Variants in CHODL observed in about 807,000 individuals in gnomAD.
CHODL encodes the protein chondrolectin.
A neutral mutation model predicts 34.5 loss-of-function variants in CHODL; 29 were observed. That is an observed-to-expected ratio of 0.84 (90% confidence interval 0.63 to 1.15). The LOEUF (loss-of-function observed/expected upper bound fraction) is 1.15, where lower values mean the gene tolerates loss of function less well. CHODL is among the 50% of genes most tolerant of loss of function. CHODL has a pLI of 0.00. For synonymous variants in CHODL, 125 were observed against 116.1 expected, an observed-to-expected ratio of 1.08 and a Z score of -0.49; for missense variants, 332 against 332.5, an observed-to-expected ratio of 1.00 and a Z score of 0.01.
At chr21:18,207,842 T>C (rs1262885778) in intron 2 of CHODL, among the ~76,000 whole-genome samples, 1 of 152,022 alleles carries the variant, frequency 6.6e-6, no homozygotes, top group East Asian at 1.9e-4. Flanking sequence ...AGATATATTT[T>C]ATTTTATTTG....
At chr21:18,028,741 A>G (rs2064213876) in intron 2 of CHODL, among the ~76,000 whole-genome samples, 1 of 150,422 alleles carries the variant, frequency 6.6e-6, no homozygotes, top group African/African-American at 2.4e-5. Flanking sequence ...CTTGTTAACT[A>G]CTTTATCTCC....
At chr21:18,193,697 G>GGAAA (rs1275441327) in intron 2 of CHODL, among the ~76,000 whole-genome samples, 4 of 74,214 alleles carry the variant, frequency 5.4e-5, no homozygotes, top group African/African-American at 1.8e-4. Flanking sequence ...CTCTGTCTCA[G>GGAAA]AAAAAAAAAA....
intron 4 of CHODL, among the ~76,000 whole-genome samples, chr21:18,262,305 T>C (rs952727481): frequency 6.6e-5 from 10 of 152,166 alleles, no homozygotes; most frequent in African/African-American, 2.4e-4. Flanking sequence ...AATGCACCAT[T>C]AGGCAATTTT....
rs1158769342 is a variant in CHODL, at chr21:18,028,271, CTT to C, written c.-45+303_-45+304del. ...CCTTTTCCTTTTCTTTTTCTTTTTC[CTT>C]TTCCCCTTCCTTCCTTCCTTCCTTC... On this transcript the variant is annotated intron_variant, in intron 2 of 6. Transcript: ENST00000400127. Among the ~76,000 whole-genome samples, 649 of 70,552 alleles carry C rather than the reference CTT, an allele frequency of 9.2e-3. 26 individuals carry two copies. Among genetic ancestry groups the C allele is most frequent in the African/African-American group, 0.028 (457 of 16,330 alleles). 46.3% of individuals were successfully genotyped at this position (70,552 alleles called of 152,430 possible). A position where few individuals can be genotyped will look rare whatever the true frequency, so the allele number is the denominator to read the frequency against.
chr21:18,207,042 A>T (rs61499899), intron 2 of CHODL, among the ~76,000 whole-genome samples: 1 of 151,830 alleles, frequency 6.6e-6, no homozygotes, highest in African/African-American at 2.4e-5. Flanking sequence ...TCCAGCCCCC[A>T]ACCCCTGACA....
At chr21:18,009,853 A>T (rs1041057832) in intron 1 of CHODL, among the ~76,000 whole-genome samples, 1 of 138,220 alleles carries the variant, frequency 7.2e-6, no homozygotes, top group African/African-American at 2.9e-5. Context: ...GAGCCACTGC[A>T]CTCCAGCCTG....
chr21:18,068,087 A>G (rs1376095372), intron 2 of CHODL, among the ~76,000 whole-genome samples: 2 of 152,136 alleles, frequency 1.3e-5, no homozygotes, highest in Admixed American at 6.5e-5. Context: ...AAATAAATGC[A>G]CAACAATTTT....
chr21:18,085,745 T>C (rs915656160), intron 2 of CHODL, among the ~76,000 whole-genome samples: 28 of 152,250 alleles, frequency 1.8e-4, no homozygotes. Context: ...GGATTTCCTT[T>C]ATAGGTGACT....
intron 2 of CHODL, among the ~76,000 whole-genome samples, chr21:18,044,705 A>C (rs2064420507): frequency 6.6e-6 from 1 of 151,886 alleles, no homozygotes. Context: ...CTTTTATGAT[A>C]TCAATAATAA....
At chr21:17,973,681 G>T (rs1339474537) in intron 1 of CHODL, among the ~76,000 whole-genome samples, 4 of 151,110 alleles carry the variant, frequency 2.6e-5, no homozygotes, top group African/African-American at 9.7e-5. Flanking sequence ...CAGCCTCCCA[G>T]CGTGCTGGGA....
intron 2 of CHODL, among the ~76,000 whole-genome samples, chr21:18,131,322 A>G (rs2072652136): frequency 6.6e-6 from 1 of 152,144 alleles, no homozygotes; most frequent in Non-Finnish European, 1.5e-5. Context: ...GGGGGACACA[A>G]ATATTCAGTC....
rs924483320 is a variant in CHODL at position 18,029,563 on chromosome 21, T to A, written c.-45+1592T>A. ...GGAAACTTTGTATATATTTAACATG[T>A]ATCAGGGATATTTTATCTATCTATA... On this transcript the variant is annotated intron_variant, in intron 2 of 6. Coordinates refer to the CHODL transcript ENST00000400127. 7.2e-5 allele frequency among the ~76,000 whole-genome samples: 11 copies of A among 152,184 alleles called. 1 individual carries two copies. In the South Asian group the frequency reaches 2.3e-3, roughly 31 times the overall value.
intron 2 of CHODL, among the ~76,000 whole-genome samples, chr21:18,038,440 G>A (rs367817911): frequency 1.1e-4 from 16 of 151,674 alleles, no homozygotes; most frequent in East Asian, 1.9e-4. Flanking sequence ...AATTTGACAC[G>A]AATTCAGGAA....
At chr21:18,265,914 G>T in intron 5 of CHODL, 40 bp from the exon 6 acceptor site, 1 of 1,561,548 alleles carries the variant, frequency 6.4e-7, no homozygotes, top group South Asian at 1.1e-5. Flanking sequence ...AGTTTAATAA[G>T]AAATTTTAGG....
intron 2 of CHODL, among the ~76,000 whole-genome samples, chr21:18,138,290 T>G (rs146520817): frequency 2.7e-4 from 41 of 152,176 alleles, no homozygotes; most frequent in African/African-American, 9.1e-4. Flanking sequence ...TGGGGAAAAT[T>G]TCAATGCATC....
At chr21:18,010,934 G>A (rs2064013399) in intron 1 of CHODL, among the ~76,000 whole-genome samples, 2 of 152,148 alleles carry the variant, frequency 1.3e-5, no homozygotes, top group South Asian at 2.1e-4. Context: ...TATAAGAAAA[G>A]TATTAACAAG....
intron 1 of CHODL, among the ~76,000 whole-genome samples, chr21:18,009,609 G>A (rs1649741189): frequency 3.3e-5 from 5 of 152,118 alleles, no homozygotes; most frequent in Admixed American, 1.3e-4. Flanking sequence ...CATTGAAATT[G>A]TTGACTGACT....
intron 1 of CHODL, among the ~76,000 whole-genome samples, chr21:17,978,504 G>T (rs1287856512): frequency 6.6e-6 from 1 of 151,480 alleles, no homozygotes; most frequent in Non-Finnish European, 1.5e-5. Context: ...GGATCATAAG[G>T]TCAGGAGATC....
chr21:17,971,617 T>C (rs1472900050), intron 1 of CHODL, among the ~76,000 whole-genome samples: 2 of 152,160 alleles, frequency 1.3e-5, no homozygotes, highest in Non-Finnish European at 2.9e-5. Context: ...AAGATCTTTG[T>C]AGATTCTGGA....
Sources: gnomAD v4.1 joint callset for allele counts (sites outside exome capture counted in the v4.1 genomes callset) on GRCh38, gnomAD v4.1.1 for gene constraint, MANE v1.5 for transcripts, NCBI Gene and HGNC (gene_info 2026-07-23, HGNC 2026-07-21) for gene names.